HNRNPLL: variants seen among roughly 807,000 people sequenced by gnomAD.
The protein encoded by HNRNPLL is heterogeneous nuclear ribonucleoprotein L like, also known as heterogeneous nuclear ribonucleoprotein L-like.
Under a neutral mutation model 67.1 loss-of-function variants are expected in HNRNPLL, and 25 were observed. That is an observed-to-expected ratio of 0.37 (90% confidence interval 0.27 to 0.52). The LOEUF (loss-of-function observed/expected upper bound fraction) is 0.52, where lower values mean the gene tolerates loss of function less well. HNRNPLL is among the 20% of genes least tolerant of loss of function. HNRNPLL has a pLI of 0.90. For synonymous variants in HNRNPLL, 267 were observed against 241.7 expected, an observed-to-expected ratio of 1.10 and a Z score of -0.97; for missense variants, 542 against 673.9, an observed-to-expected ratio of 0.80 and a Z score of 2.17.
chr2:38,600,120 T>C, intron 1 of HNRNPLL: 1 of 196,300 alleles, frequency 5.1e-6, no homozygotes, highest in Non-Finnish European at 1.1e-5. Context: ...TACCAAAAAT[T>C]ACATGAAAAA....
At position 38,582,271 on chromosome 2, in the gene HNRNPLL, C is replaced by G; in HGVS notation, c.633-103G>C. On this transcript the variant is annotated intron_variant, in intron 4 of 12. Transcript: ENST00000449105. ...ATAATCAGAAGTAGCTCTTTTACTT[C>G]TGGAAATGTTTTACCAATTTCAGGA... is the stretch of plus-strand genomic sequence containing the variant. The G allele has an allele frequency of 3.8e-6, 3 of 787,352 alleles. No individual in the cohort carries two copies. The South Asian group carries it at 4.6e-5, about 12-fold the overall frequency. 48.8% of individuals were successfully genotyped at this position (787,352 alleles called of 1,614,324 possible).
At chr2:38,584,578 G>A (rs1346896941) in intron 3 of HNRNPLL, among the ~76,000 whole-genome samples, 1 of 152,076 alleles carries the variant, frequency 6.6e-6, no homozygotes, top group Non-Finnish European at 1.5e-5. Context: ...TTTTCCAAAT[G>A]TGACACTGAA....
At chr2:38,577,908 G>C in intron 6 of HNRNPLL, 1 of 473,646 alleles carries the variant, frequency 2.1e-6, no homozygotes, top group Non-Finnish European at 4.4e-6. Flanking sequence ...CAGTACTTTT[G>C]AAAGACAGTA....
intron 6 of HNRNPLL, 96 bp downstream of exon 6, chr2:38,581,817 T>C (rs543245034): frequency 3.7e-6 from 3 of 807,244 alleles, no homozygotes; most frequent in South Asian, 3.0e-5. Context: ...AGGTTTTCAT[T>C]TGAATTAACT....
chr2:38,595,047 C>T lies in HNRNPLL; in HGVS notation c.190-3399G>A, dbSNP rs553781932. Among the ~76,000 whole-genome samples, 7 of 151,734 alleles carry T rather than the reference C, an allele frequency of 4.6e-5. No individual in the cohort carries two copies. In the East Asian group the frequency reaches 7.8e-4, roughly 17 times the overall value. ...ATCCTAGCACTCTGGGAGGCAGAGGCGGGCTCAGGAGTTCGAGGCTCAGGA... is the reference window on the plus strand; with the variant it reads ...ATCCTAGCACTCTGGGAGGCAGAGGTGGGCTCAGGAGTTCGAGGCTCAGGA... On this transcript the variant is annotated intron_variant, in intron 1 of 12. Coordinates refer to ENST00000449105, the MANE Select transcript of HNRNPLL (RefSeq NM_138394.4).
At chr2:38,598,274 C>G (rs939948665) in intron 1 of HNRNPLL, among the ~76,000 whole-genome samples, 2 of 152,156 alleles carry the variant, frequency 1.3e-5, no homozygotes, top group African/African-American at 4.8e-5. Flanking sequence ...AGAGGATGCT[C>G]TTTAGCTGCT....
chr2:38,585,089 T>C (rs547686518), intron 3 of HNRNPLL, among the ~76,000 whole-genome samples: 89 of 152,348 alleles, frequency 5.8e-4, no homozygotes, highest in African/African-American at 2.1e-3. Flanking sequence ...ATTAAGTGTC[T>C]GTGTTACTAG....
chr2:38,573,787 C>T (rs559538524), intron 7 of HNRNPLL, among the ~76,000 whole-genome samples: 2 of 151,902 alleles, frequency 1.3e-5, no homozygotes, highest in South Asian at 2.1e-4. Flanking sequence ...AAACCTCCTG[C>T]CAATGTCTTT....
rs571111736 is a variant in HNRNPLL, at chr2:38,599,063, A to G, written c.189+3375T>C. On this transcript the variant is annotated intron_variant, in intron 1 of 12. Transcript: ENST00000449105. ...TATGCATCTAACAGATCACAGTAAT[A>G]TTGCTATCATTAGTAATTTACATTG... Among the ~76,000 whole-genome samples the G allele has an allele frequency of 6.6e-5, 10 of 152,324 alleles. No homozygotes were observed. In the East Asian group the frequency reaches 1.9e-3, roughly 29 times the overall value.
chr2:38,594,167 T>C (rs776015494), intron 1 of HNRNPLL, among the ~76,000 whole-genome samples: 1 of 151,478 alleles, frequency 6.6e-6, no homozygotes, highest in Non-Finnish European at 1.5e-5. Context: ...AGAACAAGAC[T>C]CCATCTCAAA....
At chr2:38,587,017 T>C (rs994256328) in intron 2 of HNRNPLL, among the ~76,000 whole-genome samples, 1 of 152,220 alleles carries the variant, frequency 6.6e-6, no homozygotes, top group African/African-American at 2.4e-5. Flanking sequence ...GCATGTCCTC[T>C]ATTCACAGGA....
intron 2 of HNRNPLL, among the ~76,000 whole-genome samples, chr2:38,587,595 G>A (rs918210648): frequency 6.6e-6 from 1 of 152,074 alleles, no homozygotes; most frequent in African/African-American, 2.4e-5. Flanking sequence ...TCTTGCACAT[G>A]AAAAATAGAA....
chr2:38,574,031 T>G (rs569065015), intron 7 of HNRNPLL, among the ~76,000 whole-genome samples: 1 of 152,124 alleles, frequency 6.6e-6, no homozygotes, highest in South Asian at 2.1e-4. Context: ...ACTTCCATTT[T>G]TTTGAAACAG....
rs73929074 is a variant in HNRNPLL at position 38,568,536 on chromosome 2, T to C, written c.1417-93A>G. On this transcript the variant is annotated intron_variant, in intron 10 of 12. Transcript: ENST00000449105. The stretch of plus-strand genomic sequence containing the variant: ...AAACTTTATGGCAGAATTTAAGTTT[T>C]AATTCTCAAATGAATGGATTAAATC... The C allele has an allele frequency of 2.9e-3, 2,169 of 752,984 alleles. 40 individuals are homozygous for C. In the African/African-American group the frequency reaches 0.034, roughly 12 times the overall value. 46.6% of individuals were successfully genotyped at this position (752,984 alleles called of 1,614,324 possible). A position where few individuals can be genotyped will look rare whatever the true frequency, so the allele number is the denominator to read the frequency against.
chr2:38,591,348 G>T (rs1666950826), intron 2 of HNRNPLL, among the ~76,000 whole-genome samples, 182 bp downstream of exon 2: 1 of 152,158 alleles, frequency 6.6e-6, no homozygotes, highest in Admixed American at 6.5e-5. Flanking sequence ...CATCACCCAG[G>T]AAGGTTAAAA....
At chr2:38,579,798 T>C (rs1666450026) in intron 6 of HNRNPLL, among the ~76,000 whole-genome samples, 1 of 152,066 alleles carries the variant, frequency 6.6e-6, no homozygotes, top group Non-Finnish European at 1.5e-5. Context: ...GATAGCAACC[T>C]AACAGTTTCA....
At chr2:38,602,172 C>G in intron 1 of HNRNPLL, 1 of 478,480 alleles carries the variant, frequency 2.1e-6, no homozygotes, top group South Asian at 2.9e-5. Flanking sequence ...CCCGCCGCCG[C>G]CGCCGCGCCG....
At chr2:38,579,495 C>G (rs925268436) in intron 6 of HNRNPLL, among the ~76,000 whole-genome samples, 7 of 151,886 alleles carry the variant, frequency 4.6e-5, no homozygotes, top group African/African-American at 1.7e-4. Flanking sequence ...TCACGTAAAA[C>G]AGAAGTGAGC....
chr2:38,579,190 T>C (rs1354573759), intron 6 of HNRNPLL, among the ~76,000 whole-genome samples: 1 of 152,156 alleles, frequency 6.6e-6, no homozygotes, highest in Non-Finnish European at 1.5e-5. Flanking sequence ...GATTCCAACT[T>C]AAACCACTAA....
Sources: gnomAD v4.1 joint callset for allele counts (sites outside exome capture counted in the v4.1 genomes callset) on GRCh38, gnomAD v4.1.1 for gene constraint, MANE v1.5 for transcripts, NCBI Gene and HGNC (gene_info 2026-07-23, HGNC 2026-07-21) for gene names.